The following SGMS1 variants were observed in gnomAD, a reference collection of about 807,000 sequenced individuals.
SGMS1 encodes the protein sphingomyelin synthase 1.
SGMS1 carries 13 observed loss-of-function variants against 46.2 expected under a neutral mutation model. The observed-to-expected ratio is 0.28, with a 90% CI of 0.18 to 0.45. The LOEUF (loss-of-function observed/expected upper bound fraction) is 0.45, where lower values mean the gene tolerates loss of function less well. Among genes scored for constraint, SGMS1 ranks in the 20% least tolerant of loss-of-function variants. The probability of loss-of-function intolerance (pLI) is 1.00; values close to 1 mark genes in which losing one functional copy is unlikely to be tolerated. For synonymous variants in SGMS1, 203 were observed against 187.8 expected, an observed-to-expected ratio of 1.08 and a Z score of -0.66; for missense variants, 324 against 519.9, an observed-to-expected ratio of 0.62 and a Z score of 3.66.
chr10:50,311,181 A>G lies in SGMS1; in HGVS notation c.895+81T>C, dbSNP rs953619392. ...CCAGTCTTGCTTCAGCAGATTTTCC[A>G]GAAAATGAGCTTTACCAGAGGACCA... On this transcript the variant is annotated intron_variant, in intron 9 of 10. Coordinates refer to ENST00000361781, the MANE Select transcript of SGMS1 (RefSeq NM_147156.4). 7 of 1,527,856 alleles carry G rather than the reference A, an allele frequency of 4.6e-6. No homozygotes were observed. In the African/African-American group the frequency reaches 9.7e-5, roughly 21 times the overall value. The allele number at this position is 1,527,856 out of a possible 1,614,324, so 94.6% of individuals were successfully genotyped here.
intron 2 of SGMS1, among the ~76,000 whole-genome samples, chr10:50,542,470 C>T (rs1042330719): frequency 6.6e-6 from 1 of 151,684 alleles, no homozygotes; most frequent in Admixed American, 6.6e-5. Context: ...TATGATGTCA[C>T]CAACCTGGGC....
intron 1 of SGMS1, among the ~76,000 whole-genome samples, chr10:50,621,036 C>A (rs932198600): frequency 2.6e-5 from 4 of 152,052 alleles, no homozygotes; most frequent in African/African-American, 9.7e-5. Context: ...AGTAGCTGGG[C>A]TTAGTGGTGC....
At chr10:50,412,601 G>A (rs1849116349) in intron 6 of SGMS1, among the ~76,000 whole-genome samples, 1 of 152,328 alleles carries the variant, frequency 6.6e-6, no homozygotes, top group Admixed American at 6.5e-5. Context: ...AGGCAAGGCT[G>A]AGAGGGTATA....
intron 6 of SGMS1, among the ~76,000 whole-genome samples, chr10:50,424,848 G>A (rs1256704121): frequency 6.6e-6 from 1 of 150,576 alleles, no homozygotes; most frequent in African/African-American, 2.4e-5. Flanking sequence ...GGAGATGGAG[G>A]TTGCAGTGAG....
At chr10:50,466,587 C>T (rs1274919100) in intron 4 of SGMS1, among the ~76,000 whole-genome samples, 1 of 152,068 alleles carries the variant, frequency 6.6e-6, no homozygotes, top group Non-Finnish European at 1.5e-5. Flanking sequence ...AAAAATGTGA[C>T]TCAAATAATG....
chr10:50,341,163 A>T (rs1050481539), intron 7 of SGMS1: 2 of 342,542 alleles, frequency 5.8e-6, no homozygotes, highest in African/African-American at 2.1e-5. Context: ...CTATAATGCA[A>T]TAACTAAATA....
chr10:50,497,387 G>A (rs1837623863), intron 3 of SGMS1, among the ~76,000 whole-genome samples: 1 of 152,184 alleles, frequency 6.6e-6, no homozygotes, highest in South Asian at 2.1e-4. Flanking sequence ...TGTTAAAGCT[G>A]GAAGACATGA....
intron 5 of SGMS1, among the ~76,000 whole-genome samples, chr10:50,456,943 A>AAAC (rs1483555523): frequency 7.9e-5 from 12 of 152,234 alleles, no homozygotes; most frequent in African/African-American, 2.2e-4. Context: ...AGTCAGGTTC[A>AAAC]TTGCATGATG....
intron 6 of SGMS1, among the ~76,000 whole-genome samples, chr10:50,377,689 G>A (rs1311440260): frequency 6.6e-6 from 1 of 152,080 alleles, no homozygotes; most frequent in Non-Finnish European, 1.5e-5. Context: ...CAAACTGGGG[G>A]GCTTTAAACA....
intron 2 of SGMS1, among the ~76,000 whole-genome samples, chr10:50,574,029 G>A (rs1297305446): frequency 6.6e-6 from 1 of 152,044 alleles, no homozygotes; most frequent in Non-Finnish European, 1.5e-5. Context: ...TACTCAAAAT[G>A]GATTAAGGAT....
chr10:50,623,608 G>C (rs1838879323), intron 1 of SGMS1, 99 bp downstream of exon 1: 2 of 985,228 alleles, frequency 2.0e-6, no homozygotes. Context: ...AGAGCAGCCC[G>C]CCCGCTGCTC....
intron 2 of SGMS1, among the ~76,000 whole-genome samples, chr10:50,551,739 G>A (rs1165589701): frequency 6.6e-6 from 1 of 151,932 alleles, no homozygotes; most frequent in Non-Finnish European, 1.5e-5. Flanking sequence ...CCATACCCAG[G>A]CTTATAGTAG....
chr10:50,394,638 A>G (rs1048704410), intron 6 of SGMS1, among the ~76,000 whole-genome samples: 1 of 152,266 alleles, frequency 6.6e-6, no homozygotes, highest in Admixed American at 6.5e-5. Context: ...TATGAAATAA[A>G]TATGCAATAG....
At chr10:50,485,129 T>C (rs1306529926) in intron 3 of SGMS1, among the ~76,000 whole-genome samples, 1 of 152,148 alleles carries the variant, frequency 6.6e-6, no homozygotes, top group African/African-American at 2.4e-5. Flanking sequence ...GATGACATGA[T>C]CCTATATCAA....
At chr10:50,420,943 G>A (rs1400144798) in intron 6 of SGMS1, among the ~76,000 whole-genome samples, 1 of 152,180 alleles carries the variant, frequency 6.6e-6, no homozygotes, top group African/African-American at 2.4e-5. Flanking sequence ...CAGGAAGAAG[G>A]AAGGCTTCAT....
intron 6 of SGMS1, among the ~76,000 whole-genome samples, chr10:50,407,996 G>C (rs1589427442): frequency 6.6e-6 from 1 of 152,212 alleles, no homozygotes; most frequent in Middle Eastern, 3.4e-3. Flanking sequence ...GCACAGTGCT[G>C]TCCAGTAGAG....
In SGMS1 at chr10:50,431,309, C is replaced by T. The variant is rs374362028; in HGVS notation, c.-232+2167G>A. 5.3e-5 allele frequency among the ~76,000 whole-genome samples: 8 copies of T among 152,192 alleles called. No individual in the cohort carries two copies. The South Asian group carries it at 1.2e-3, about 24-fold the overall frequency. On this transcript the variant is annotated intron_variant, in intron 6 of 10. Transcript: ENST00000361781. ...AATACCTTTTGTTTTAAGAGGAAAT[C>T]GGGGAAATGAATGTTTTACAATTAT...
At chr10:50,614,616 A>G (rs1838780082) in intron 1 of SGMS1, among the ~76,000 whole-genome samples, 1 of 152,218 alleles carries the variant, frequency 6.6e-6, no homozygotes, top group Non-Finnish European at 1.5e-5. Context: ...GGTGGGTCCC[A>G]GCCCTGGGCG....
At position 50,344,308 on chromosome 10, in the gene SGMS1, G is replaced by A. The variant is rs1016970530; in HGVS notation, c.-194C>T. On this transcript the variant is annotated 5_prime_UTR_variant, in exon 7 of 11. Transcript: ENST00000361781. ...CTGTCCAGGGTTCCTGAGCGCCCAA[G>A]TATTAATTCACCTCATTTTTGAGCA... is the stretch of plus-strand genomic sequence containing the variant. The A allele has an allele frequency of 2.9e-5, 16 of 555,996 alleles. No homozygotes were observed. Among genetic ancestry groups the A allele is most frequent in the African/African-American group, 1.1e-4 (6 of 53,714 alleles). 34.4% of individuals were successfully genotyped at this position (555,996 alleles called of 1,614,324 possible). A position where few individuals can be genotyped will look rare whatever the true frequency, so the allele number is the denominator to read the frequency against.
Sources: gnomAD v4.1 joint callset for allele counts (sites outside exome capture counted in the v4.1 genomes callset) on GRCh38, gnomAD v4.1.1 for gene constraint, MANE v1.5 for transcripts, NCBI Gene and HGNC (gene_info 2026-07-23, HGNC 2026-07-21) for gene names.